The following NBEA variants were observed in gnomAD, a reference collection of about 807,000 sequenced individuals.
The protein encoded by NBEA is lysosomal-trafficking regulator 2.
A neutral mutation model predicts 343.4 loss-of-function variants in NBEA; 44 were observed. That is an observed-to-expected ratio of 0.13 (90% confidence interval 0.10 to 0.16). The LOEUF (loss-of-function observed/expected upper bound fraction) is 0.16. Among genes scored for constraint, NBEA ranks in the 10% least tolerant of loss-of-function variants. NBEA has a pLI of 1.00. For missense variants in NBEA, 2,555 were observed against 3,631.3 expected (o/e 0.70, Z 7.62); for synonymous variants, 1,175 against 1,238.7 (o/e 0.95, Z 1.08).
At chr13:35,223,277 A>G (rs920221162) in intron 33 of NBEA, among the ~76,000 whole-genome samples, 1 of 152,192 alleles carries the variant, frequency 6.6e-6, no homozygotes, top group Admixed American at 6.5e-5. Context: ...TTTGTCTGGT[A>G]TATTCCTTAT....
At chr13:35,313,689 G>C (rs1262599172) in intron 36 of NBEA, among the ~76,000 whole-genome samples, 2 of 152,092 alleles carry the variant, frequency 1.3e-5, no homozygotes, top group Non-Finnish European at 2.9e-5. Context: ...CTTAGATTAA[G>C]TAATTGCAAG....
At chr13:35,579,528 G>A (rs1279743244) in intron 45 of NBEA, among the ~76,000 whole-genome samples, 19 of 151,986 alleles carry the variant, frequency 1.3e-4, no homozygotes, top group Admixed American at 9.2e-4. Context: ...ACAGCAAAAT[G>A]AAACTAAAGA....
chr13:35,414,329 C>T (rs552250386), intron 38 of NBEA, among the ~76,000 whole-genome samples: 9 of 152,020 alleles, frequency 5.9e-5, no homozygotes, highest in South Asian at 2.1e-4. Flanking sequence ...GTGCTGCACT[C>T]GTTAACTCGT....
At chr13:35,407,517 C>CAA (rs11355447) in intron 38 of NBEA, among the ~76,000 whole-genome samples, 44 of 135,180 alleles carry the variant, frequency 3.3e-4, no homozygotes, top group East Asian at 2.0e-3. Context: ...TGCATCATTT[C>CAA]AAAAAAAAAA....
intron 46 of NBEA, 36 bp from the exon 47 acceptor site, chr13:35,593,292 G>C (rs12865768): frequency 1.2e-6 from 2 of 1,608,336 alleles, no homozygotes; most frequent in South Asian, 1.1e-5. Context: ...GCTGTGTTTA[G>C]AGTGGTCAAA....
chr13:35,279,911 T>TAA (rs1195919828), intron 34 of NBEA, among the ~76,000 whole-genome samples: 1 of 152,150 alleles, frequency 6.6e-6, no homozygotes, highest in African/African-American at 2.4e-5. Flanking sequence ...TCCTAAGACA[T>TAA]AAACCTGGAG....
intron 16 of NBEA, among the ~76,000 whole-genome samples, chr13:35,122,852 C>T (rs1023669096): frequency 1.3e-5 from 2 of 152,098 alleles, no homozygotes; most frequent in South Asian, 2.1e-4. Context: ...AGAAACAAAA[C>T]GTTACTGTTC....
chr13:35,520,122 T>C (rs962721141), intron 41 of NBEA, among the ~76,000 whole-genome samples: 2 of 152,172 alleles, frequency 1.3e-5, no homozygotes, highest in Admixed American at 1.3e-4. Flanking sequence ...GCATCCAACC[T>C]AGATCCCTCA....
chr13:35,563,688 A>C (rs1167276172), intron 44 of NBEA, among the ~76,000 whole-genome samples: 1 of 151,790 alleles, frequency 6.6e-6, no homozygotes, highest in Non-Finnish European at 1.5e-5. Context: ...AAATTACTAA[A>C]ATTTTCTTTT....
At chr13:34,961,508 C>T (rs1274228866) in intron 1 of NBEA, among the ~76,000 whole-genome samples, 3 of 151,974 alleles carry the variant, frequency 2.0e-5, no homozygotes, top group Non-Finnish European at 4.4e-5. Flanking sequence ...AAATACCAGT[C>T]TATTGGATCT....
At chr13:35,418,666 C>A (rs1434646717) in intron 38 of NBEA, among the ~76,000 whole-genome samples, 1 of 151,964 alleles carries the variant, frequency 6.6e-6, no homozygotes, top group African/African-American at 2.4e-5. Flanking sequence ...AGATTGGTAA[C>A]CTGGCACAGA....
intron 36 of NBEA, among the ~76,000 whole-genome samples, chr13:35,338,379 C>T (rs1265599117): frequency 6.6e-6 from 1 of 151,892 alleles, no homozygotes; most frequent in African/African-American, 2.4e-5. Flanking sequence ...TTTCTGGAAA[C>T]ATAACTAACA....
chr13:35,527,379 C>A (rs891937047), intron 41 of NBEA, among the ~76,000 whole-genome samples: 3 of 152,174 alleles, frequency 2.0e-5, no homozygotes, highest in Non-Finnish European at 4.4e-5. Flanking sequence ...GGGGTTTCAC[C>A]AGGGACTCTC....
At chr13:35,067,255 T>C (rs2063688123) in intron 8 of NBEA, among the ~76,000 whole-genome samples, 1 of 152,164 alleles carries the variant, frequency 6.6e-6, no homozygotes, top group Non-Finnish European at 1.5e-5. Flanking sequence ...CATTTGTTTC[T>C]GTGGATTCAG....
intron 36 of NBEA, among the ~76,000 whole-genome samples, chr13:35,317,719 G>T (rs1414278428): frequency 6.6e-6 from 1 of 152,102 alleles, no homozygotes; most frequent in Non-Finnish European, 1.5e-5. Context: ...TCACAATATT[G>T]ATTCTTCCTA....
At chr13:35,270,265 A>C (rs1270265668) in intron 34 of NBEA, among the ~76,000 whole-genome samples, 1 of 152,228 alleles carries the variant, frequency 6.6e-6, no homozygotes, top group African/African-American at 2.4e-5. Flanking sequence ...AAAACTGCAC[A>C]GTTTAGTATT....
At chr13:35,073,372 A>G (rs1011250242) in intron 10 of NBEA, among the ~76,000 whole-genome samples, 1 of 152,156 alleles carries the variant, frequency 6.6e-6, no homozygotes, top group Non-Finnish European at 1.5e-5. Context: ...CCTTTTTGGA[A>G]GTCTGATTGC....
intron 18 of NBEA, among the ~76,000 whole-genome samples, chr13:35,143,431 A>G (rs1000553336): frequency 2.6e-5 from 4 of 152,224 alleles, no homozygotes; most frequent in African/African-American, 9.6e-5. Context: ...AAACAAGAAA[A>G]GAAAAGTGGA....
intron 29 of NBEA, 41 bp from the exon 30 acceptor site, chr13:35,183,935 T>A: frequency 1.3e-6 from 2 of 1,487,462 alleles, no homozygotes; most frequent in Non-Finnish European, 1.9e-6. Flanking sequence ...GGCAGGTTGT[T>A]ACATGCTGGC....
Sources: gnomAD v4.1 joint callset for allele counts (sites outside exome capture counted in the v4.1 genomes callset) on GRCh38, gnomAD v4.1.1 for gene constraint, MANE v1.5 for transcripts, NCBI Gene and HGNC (gene_info 2026-07-23, HGNC 2026-07-21) for gene names.